ZNF333: variants seen among roughly 807,000 people sequenced by gnomAD.
ZNF333 encodes zinc finger protein 333.
A neutral mutation model predicts 76.1 loss-of-function variants in ZNF333; 61 were observed. The observed-to-expected ratio is 0.80, with a 90% confidence interval of 0.65 to 0.99. The LOEUF (loss-of-function observed/expected upper bound fraction) is 0.99, where lower values mean the gene tolerates loss of function less well. Ranked by LOEUF, ZNF333 falls within the 50% of genes least tolerant of loss-of-function variation. The probability of loss-of-function intolerance (pLI) is 0.00; values close to 1 mark genes in which losing one functional copy is unlikely to be tolerated. For missense variants in ZNF333, 717 were observed against 822.4 expected, an observed-to-expected ratio of 0.87 and a Z score of 1.57; for synonymous variants, 284 against 305.0, an observed-to-expected ratio of 0.93 and a Z score of 0.72.
intron 5 of ZNF333, chr19:14,701,481 T>C (rs11881959): frequency 0.22 from 152,064 of 695,054 alleles, 17,126 homozygotes; most frequent in Middle Eastern, 0.28. Flanking sequence ...CTGTGTGTCA[T>C]GTAGCCCCCA....
downstream of ZNF333, among the ~76,000 whole-genome samples, chr19:14,722,168 A>G (rs1433580159): frequency 6.6e-6 from 1 of 152,232 alleles, no homozygotes; most frequent in Non-Finnish European, 1.5e-5. Context: ...CATATTCTTG[A>G]TAAGTAATGA....
In ZNF333 at chr19:14,720,101, C is replaced by G. The variant is rs10409953; in HGVS notation, c.*776C>G. 0.63 allele frequency: 521,285 copies of G among 825,734 alleles called. 167,861 individuals are homozygous for G. The highest frequency in any genetic ancestry group is 0.88 in the African/African-American group (47,339 of 53,944). The allele number at this position is 825,734 out of a possible 1,614,324, so 51.2% of individuals were successfully genotyped here. Reference sequence around the variant, plus strand: ...CTTGGGAGGCTGAGGCAGGAGAATTCTTTGAACCCAGGAGGCAGAGGTTGC... The same window carrying G: ...CTTGGGAGGCTGAGGCAGGAGAATTGTTTGAACCCAGGAGGCAGAGGTTGC... On this transcript the variant is annotated 3_prime_UTR_variant, in exon 12 of 12. Transcript: ENST00000292530.
At chr19:14,726,387 C>G (rs2042632998), downstream of ZNF333, among the ~76,000 whole-genome samples, 1 of 152,162 alleles carries the variant, frequency 6.6e-6, no homozygotes, top group African/African-American at 2.4e-5. Context: ...GCACTTGGCT[C>G]CCTTTTAGTC....
In ZNF333 at chr19:14,700,602, C is replaced by T. The variant is rs115994857; in HGVS notation, c.306+1321C>T. Among the ~76,000 whole-genome samples the T allele has an allele frequency of 3.4e-3, 523 of 152,264 alleles. 3 individuals are homozygous for T. The highest frequency in any genetic ancestry group is 0.012 in the African/African-American group (507 of 41,554). On this transcript the variant is annotated intron_variant, in intron 5 of 11. Coordinates refer to ENST00000292530, the MANE Select transcript of ZNF333 (RefSeq NM_032433.4). ...TTAATAGTACAGGAGAAAATATACA[C>T]GGAGTCCCCACCATCCCCCCTTTGG...
intron 5 of ZNF333, chr19:14,700,200 T>C (rs376062288): frequency 3.3e-5 from 5 of 150,070 alleles, no homozygotes; most frequent in Non-Finnish European, 7.4e-5. Flanking sequence ...TTTTTTTTTT[T>C]CTTAGAGATG....
chr19:14,694,882 A>C (rs1973058721), intron 2 of ZNF333, 128 bp from the exon 3 acceptor site: 1 of 1,431,184 alleles, frequency 7.0e-7, no homozygotes, highest in Non-Finnish European at 9.5e-7. Flanking sequence ...TATTTACAAA[A>C]ATAGGCTTTA....
In ZNF333 at chr19:14,721,167, G is replaced by A. The variant is rs1021549314; in HGVS notation, c.*1842G>A. 1 of 215,424 alleles carries A rather than the reference G, an allele frequency of 4.6e-6. No homozygotes were observed. Among genetic ancestry groups the A allele is most frequent in the Non-Finnish European group, 7.9e-6 (1 of 126,418 alleles). The allele number at this position is 215,424 out of a possible 1,614,324, so 13.3% of individuals were successfully genotyped here. A position where few individuals can be genotyped will look rare whatever the true frequency, so the allele number is the denominator to read the frequency against. ...TTATCCCCAATTCCCAGATGAGGAA[G>A]CTGAGGCCCAGCAAGTTAAGGTGGG... On this transcript the variant is annotated 3_prime_UTR_variant, in exon 12 of 12. Transcript: ENST00000292530.
intron 1 of ZNF333, among the ~76,000 whole-genome samples, chr19:14,691,577 A>AT (rs1368227692): frequency 6.6e-6 from 1 of 151,212 alleles, no homozygotes; most frequent in Non-Finnish European, 1.5e-5. Flanking sequence ...AAGAATTAAT[A>AT]TTGTTTCTTA....
intron 8 of ZNF333, 61 bp from the exon 9 acceptor site, chr19:14,716,051 C>T (rs1350435284): frequency 6.2e-7 from 1 of 1,602,368 alleles, no homozygotes; most frequent in Non-Finnish European, 8.5e-7. Context: ...CAGCCTCCAG[C>T]ATCCTCTGGC....
chr19:14,692,758 C>G (rs1293249286), intron 1 of ZNF333, among the ~76,000 whole-genome samples: 1 of 150,888 alleles, frequency 6.6e-6, no homozygotes, highest in Non-Finnish European at 1.5e-5. Flanking sequence ...AGTGATCCAC[C>G]TGCCTCGGCC....
chr19:14,722,994 G>T (rs1367000178), downstream of ZNF333, among the ~76,000 whole-genome samples: 11 of 152,174 alleles, frequency 7.2e-5, no homozygotes, highest in Non-Finnish European at 1.6e-4. Context: ...CACCATGTTA[G>T]CCAGGATGGT....
chr19:14,727,194 A>AT lies in ZNF333; in HGVS notation c.901-3974dup, dbSNP rs537256628. ...AGGTGTCCGCCACCACGCCTGGCTA[A>AT]TTTTTTTGTATTTTTAGTAGAGACA... On this transcript the variant is annotated intron_variant, in intron 11 of 11. Coordinates refer to the ZNF333 transcript ENST00000540689. Among the ~76,000 whole-genome samples, 18 of 151,854 alleles carry AT rather than the reference A, an allele frequency of 1.2e-4. No individual in the cohort carries two copies. In the Middle Eastern group the frequency reaches 0.014, roughly 115 times the overall value.
chr19:14,717,733 G>A lies in ZNF333; in HGVS notation c.900G>A (p.Gly300=). Residue 300 remains glycine (G), a splice_region_variant and synonymous_variant, in exon 11 of 12, where the codon GGG becomes GGA. Coordinates refer to ENST00000292530, the MANE Select transcript of ZNF333 (RefSeq NM_032433.4). ...AGATCCTGTCCATTGATGTGAAAGG[G>A]GTAAGGCTCACCAGGGATTATTCAT... ...FTEILSIDVK[G]EQPQPGEKLY... is the part of the protein sequence containing the mutation. 1 of 1,613,692 alleles carries A rather than the reference G, an allele frequency of 6.2e-7. No individual in the cohort carries two copies.
At chr19:14,712,382 G>T (rs2042303449) in intron 7 of ZNF333, among the ~76,000 whole-genome samples, 1 of 152,022 alleles carries the variant, frequency 6.6e-6, no homozygotes, top group South Asian at 2.1e-4. Flanking sequence ...ACCACGCCCA[G>T]CTAATTTTTG....
intron 2 of ZNF333, among the ~76,000 whole-genome samples, chr19:14,694,172 TA>T (rs1427673123): frequency 6.6e-6 from 1 of 151,894 alleles, no homozygotes; most frequent in Non-Finnish European, 1.5e-5. Context: ...ATTCTGCAAT[TA>T]AAAGGATTCT....
At chr19:14,718,017 A>G (rs2042485777) in intron 11 of ZNF333, among the ~76,000 whole-genome samples, 1 of 152,248 alleles carries the variant, frequency 6.6e-6, no homozygotes, top group African/African-American at 2.4e-5. Context: ...GCATCTAAGA[A>G]GCTGCATGAA....
rs750802290 is a variant in ZNF333 at position 14,719,033 on chromosome 19, G to A, written c.1706G>A (p.Arg569Gln). ...EKPYVCQECG[R>Q]AFSEPSSLRK... ...CCCTATGTGTGCCAGGAATGTGGGCGAGCCTTCAGTGAGCCCTCATCCCTC... is the reference window on the plus strand; with the variant it reads ...CCCTATGTGTGCCAGGAATGTGGGCAAGCCTTCAGTGAGCCCTCATCCCTC... Residue 569 changes from arginine to glutamine, a missense_variant, in exon 12 of 12, where the codon CGA becomes CAA. Arg to Gln is a conservative substitution (Grantham distance 43). Coordinates refer to ENST00000292530, the MANE Select transcript of ZNF333 (RefSeq NM_032433.4). The A allele has an allele frequency of 3.3e-5, 53 of 1,613,900 alleles. No individual in the cohort carries two copies. Among genetic ancestry groups the A allele is most frequent in the Non-Finnish European group, 4.1e-5 (48 of 1,180,002 alleles).
chr19:14,717,171 C>T lies in ZNF333; in HGVS notation c.823+82C>T, dbSNP rs189885778. 1,215 of 1,104,050 alleles carry T rather than the reference C, an allele frequency of 1.1e-3. 8 individuals carry two copies. The African/African-American group carries it at 0.017, about 16-fold the overall frequency. 68.4% of individuals were successfully genotyped at this position (1,104,050 alleles called of 1,614,324 possible). On this transcript the variant is annotated intron_variant, in intron 10 of 11. Transcript: ENST00000292530. ...TTTGGAAACTGTCTTATCAGGGCAA[C>T]CTATTCATACCTTTGACTGAGAAGC...
intron 5 of ZNF333, among the ~76,000 whole-genome samples, chr19:14,703,737 G>A (rs2042030617): frequency 6.6e-6 from 1 of 152,142 alleles, no homozygotes; most frequent in African/African-American, 2.4e-5. Flanking sequence ...TGGACCTTGG[G>A]GGATAGGTGC....
Sources: gnomAD v4.1 joint callset for allele counts (sites outside exome capture counted in the v4.1 genomes callset) on GRCh38, gnomAD v4.1.1 for gene constraint, MANE v1.5 for transcripts, NCBI Gene and HGNC (gene_info 2026-07-23, HGNC 2026-07-21) for gene names.